Variants in ATG5 observed in about 807,000 individuals in gnomAD.
ATG5 encodes autophagy related 5.
ATG5 carries 14 observed loss-of-function variants against 36.5 expected under a neutral mutation model. That is an observed-to-expected ratio of 0.38 (90% CI 0.25 to 0.60). The LOEUF is 0.60. Among genes scored for constraint, ATG5 ranks in the 20% least tolerant of loss-of-function variants. The pLI is 0.60. For synonymous variants in ATG5, 95 were observed against 101.5 expected, an observed-to-expected ratio of 0.94 and a Z score of 0.38; for missense variants, 195 against 326.7, an observed-to-expected ratio of 0.60 and a Z score of 3.11.
At position 106,195,740 on chromosome 6, in the gene ATG5, C is replaced by A. The variant is rs143138103; in HGVS notation, c.691+6232G>T. 3.4e-3 allele frequency among the ~76,000 whole-genome samples: 504 copies of A among 150,232 alleles called. 4 individuals are homozygous for A. Among genetic ancestry groups the A allele is most frequent in the Middle Eastern group, 6.9e-3 (2 of 290 alleles). ...CACACAGATGTACTCACCTACAGCA[C>A]CTGAAATCACCTAAAAGGAAGGTTT... is the stretch of plus-strand genomic sequence containing the variant. On this transcript the variant is annotated intron_variant, in intron 7 of 7. Coordinates refer to ENST00000369076, the MANE Select transcript of ATG5 (RefSeq NM_004849.4).
At chr6:106,288,634 G>A (rs1780179391) in intron 4 of ATG5, among the ~76,000 whole-genome samples, 1 of 152,112 alleles carries the variant, frequency 6.6e-6, no homozygotes, top group African/African-American at 2.4e-5. Context: ...ATCAACATGT[G>A]GTCTGGTGGA....
intron 6 of ATG5, 90 bp downstream of exon 6, chr6:106,248,060 T>C: frequency 1.0e-6 from 1 of 978,790 alleles, no homozygotes; most frequent in Non-Finnish European, 1.6e-6. Context: ...GTTTAGTTAC[T>C]ATGCAGACAA....
intron 1 of ATG5, among the ~76,000 whole-genome samples, chr6:106,317,063 A>G (rs1045946456): frequency 1.3e-5 from 2 of 152,208 alleles, no homozygotes; most frequent in African/African-American, 4.8e-5. Flanking sequence ...CTAGATCTGC[A>G]AAACAATATT....
intron 1 of ATG5, 110 bp downstream of exon 1, chr6:106,325,416 G>A (rs946198620): frequency 4.6e-5 from 7 of 152,476 alleles, no homozygotes; most frequent in Admixed American, 4.6e-4. Context: ...GGCCGGGCGG[G>A]CGCTCCTCCA....
At chr6:106,308,225 G>GAATATTCAAAAACGTAT (rs1380293686) in intron 3 of ATG5, 139 bp downstream of exon 3, 32 of 627,950 alleles carry the variant, frequency 5.1e-5, no homozygotes, top group African/African-American at 3.8e-4. Context: ...TCTAGTAATA[G>GAATATTCAAAAACGTAT]TCTAAACTTC....
chr6:106,257,720 A>G (rs1052914795), intron 5 of ATG5, among the ~76,000 whole-genome samples: 1 of 152,228 alleles, frequency 6.6e-6, no homozygotes, highest in Non-Finnish European at 1.5e-5. Flanking sequence ...TAGTAAGCCT[A>G]ATAAGCTCCT....
chr6:106,227,535 G>A (rs1322939217), intron 6 of ATG5, among the ~76,000 whole-genome samples: 1 of 152,190 alleles, frequency 6.6e-6, no homozygotes, highest in Non-Finnish European at 1.5e-5. Context: ...GTTGGAGGCT[G>A]CAGTGAGCTA....
At chr6:106,257,303 A>C (rs968661512) in intron 5 of ATG5, among the ~76,000 whole-genome samples, 1 of 152,228 alleles carries the variant, frequency 6.6e-6, no homozygotes, top group Admixed American at 6.5e-5. Flanking sequence ...ATAATGAAAA[A>C]AGTAAATAGT....
chr6:106,292,997 TGGG>T, intron 4 of ATG5, 28 bp downstream of exon 4: 3 of 1,557,172 alleles, frequency 1.9e-6, no homozygotes, highest in Non-Finnish European at 2.6e-6. Context: ...GTATCACAAA[TGGG>T]ACGAAGGAGA....
At chr6:106,274,233 G>A (rs1032643997) in intron 5 of ATG5, among the ~76,000 whole-genome samples, 1 of 152,070 alleles carries the variant, frequency 6.6e-6, no homozygotes, top group African/African-American at 2.4e-5. Flanking sequence ...GCCTGCACTT[G>A]CAGTAACAAC....
intron 7 of ATG5, chr6:106,201,718 C>T (rs1776437946): frequency 9.2e-6 from 2 of 217,710 alleles, no homozygotes; most frequent in Admixed American, 5.7e-5. Context: ...AAATTAAAAA[C>T]CAGAGTACCA....
chr6:106,289,807 T>C (rs1261390260), intron 4 of ATG5, among the ~76,000 whole-genome samples: 2 of 152,216 alleles, frequency 1.3e-5, no homozygotes, highest in African/African-American at 4.8e-5. Flanking sequence ...CACTAATTTG[T>C]ATTTTTGCAA....
intron 3 of ATG5, among the ~76,000 whole-genome samples, chr6:106,297,715 TAAACACACACACAC>T (rs1410664521): frequency 1.8e-5 from 2 of 108,176 alleles, no homozygotes; most frequent in African/African-American, 3.6e-5. Context: ...CAAAATGACT[TAAACACACACACAC>T]ACACACACAC....
intron 6 of ATG5, among the ~76,000 whole-genome samples, chr6:106,225,728 A>G (rs1777428537): frequency 1.3e-5 from 2 of 152,132 alleles, no homozygotes; most frequent in African/African-American, 2.4e-5. Context: ...CCAGTTCCCT[A>G]GAAAAACCTC....
At position 106,215,302 on chromosome 6, in the gene ATG5, A is replaced by G. The variant is rs189137764; in HGVS notation, c.574-13213T>C. On this transcript the variant is annotated intron_variant, in intron 6 of 7. Coordinates refer to ENST00000369076, the MANE Select transcript of ATG5 (RefSeq NM_004849.4). ...TAAGTGTCTAACCCAGGGAAAAGTGATTCTAAACCTGGGCTAGGAGCTAGT... is the reference window on the plus strand; with the variant it reads ...TAAGTGTCTAACCCAGGGAAAAGTGGTTCTAAACCTGGGCTAGGAGCTAGT... 2.0e-4 allele frequency among the ~76,000 whole-genome samples: 30 copies of G among 152,324 alleles called. No homozygotes were observed. In the East Asian group the frequency reaches 5.2e-3, roughly 26 times the overall value.
At chr6:106,190,427 C>T (rs1562200928) in intron 7 of ATG5, among the ~76,000 whole-genome samples, 1 of 152,196 alleles carries the variant, frequency 6.6e-6, no homozygotes, top group Non-Finnish European at 1.5e-5. Flanking sequence ...CCCAACACTG[C>T]TGCATTGGGG....
intron 6 of ATG5, among the ~76,000 whole-genome samples, chr6:106,212,123 T>C (rs1776874618): frequency 6.6e-6 from 1 of 152,234 alleles, no homozygotes; most frequent in Non-Finnish European, 1.5e-5. Flanking sequence ...GTACTATGTG[T>C]TATTTAAGAA....
chr6:106,214,213 AAT>A (rs1475693981), intron 6 of ATG5, among the ~76,000 whole-genome samples: 4 of 152,200 alleles, frequency 2.6e-5, no homozygotes, highest in African/African-American at 9.6e-5. Flanking sequence ...GAATGTACAC[AAT>A]ATACAATACC....
intron 6 of ATG5, among the ~76,000 whole-genome samples, chr6:106,202,998 C>CAG (rs1055201740): frequency 5.9e-5 from 9 of 151,308 alleles, no homozygotes; most frequent in East Asian, 1.9e-4. Flanking sequence ...GAGAGAGAGA[C>CAG]AGAGAGAGAG....
Sources: allele counts gnomAD v4.1 joint callset (sites outside exome capture counted in the v4.1 genomes callset), GRCh38; gene constraint gnomAD v4.1.1; transcripts MANE v1.5; gene names NCBI Gene and HGNC (gene_info 2026-07-23, HGNC 2026-07-21).